CCNY: variants seen among roughly 807,000 people sequenced by gnomAD.
CCNY encodes cyclin-Y.
A neutral mutation model predicts 42.8 loss-of-function variants in CCNY; 19 were observed. That is an observed-to-expected ratio of 0.44 (90% confidence interval 0.31 to 0.65). The LOEUF (loss-of-function observed/expected upper bound fraction) is 0.65, where lower values mean the gene tolerates loss of function less well. Among genes scored for constraint, CCNY ranks in the 30% least tolerant of loss-of-function variants. The probability of loss-of-function intolerance (pLI) is 0.07; values close to 1 mark genes in which losing one functional copy is unlikely to be tolerated. For missense variants in CCNY, 370 were observed against 437.3 expected, an observed-to-expected ratio of 0.85 and a Z score of 1.37; for synonymous variants, 165 against 162.7, an observed-to-expected ratio of 1.01 and a Z score of -0.11.
chr10:35,443,661 C>T (rs1838723477), intron 1 of CCNY, among the ~76,000 whole-genome samples: 1 of 152,170 alleles, frequency 6.6e-6, no homozygotes. Flanking sequence ...TGCTAATATT[C>T]TTAAATATCT....
intron 1 of CCNY, among the ~76,000 whole-genome samples, chr10:35,432,478 T>C (rs552933093): frequency 1.3e-4 from 20 of 152,250 alleles, no homozygotes; most frequent in Non-Finnish European, 2.6e-4. Flanking sequence ...TCATATAATT[T>C]TCATGACACT....
At chr10:35,426,284 G>A (rs1375732917) in intron 1 of CCNY, among the ~76,000 whole-genome samples, 1 of 151,894 alleles carries the variant, frequency 6.6e-6, no homozygotes, top group Non-Finnish European at 1.5e-5. Flanking sequence ...CTGGCATTTA[G>A]GTCTTTGCTC....
At chr10:35,368,075 A>G (rs561266860) in intron 1 of CCNY, among the ~76,000 whole-genome samples, 208 of 152,356 alleles carry the variant, frequency 1.4e-3, no homozygotes, top group Middle Eastern at 6.8e-3. Context: ...TCTGCAATTG[A>G]TTACAATTGA....
intron 7 of CCNY, among the ~76,000 whole-genome samples, chr10:35,540,954 C>G (rs1840987130): frequency 6.6e-6 from 1 of 151,914 alleles, no homozygotes; most frequent in Non-Finnish European, 1.5e-5. Context: ...TTGTTTTTTC[C>G]AAGGAATCGA....
chr10:35,401,337 G>T lies in CCNY; in HGVS notation c.154+64130G>T, dbSNP rs1196642770. ...TTGTGATAGTGCTGTCTGTCTGTCT[G>T]GTTAAATCAGCATGGCTGGAGGTGA... On this transcript the variant is annotated intron_variant, in intron 1 of 9. Coordinates refer to ENST00000374704, the MANE Select transcript of CCNY (RefSeq NM_145012.6). Among the ~76,000 whole-genome samples, 6 of 152,258 alleles carry T rather than the reference G, an allele frequency of 3.9e-5. No individual in the cohort carries two copies. The East Asian group carries it at 1.2e-3, about 29-fold the overall frequency.
intron 8 of CCNY, among the ~76,000 whole-genome samples, chr10:35,564,076 C>T (rs1841519388): frequency 6.6e-6 from 1 of 152,022 alleles, no homozygotes; most frequent in Non-Finnish European, 1.5e-5. Flanking sequence ...GACGAGGTTT[C>T]ACCCTGTTGG....
At chr10:35,345,188 C>T (rs185078927) in intron 1 of CCNY, among the ~76,000 whole-genome samples, 360 of 152,312 alleles carry the variant, frequency 2.4e-3, no homozygotes, top group Non-Finnish European at 4.3e-3. Flanking sequence ...TTACGTCCTA[C>T]CAACAGTGTA....
chr10:35,258,442 G>T (rs369389465), intron 3 of CCNY, among the ~76,000 whole-genome samples: 1 of 152,186 alleles, frequency 6.6e-6, no homozygotes, highest in South Asian at 2.1e-4. Flanking sequence ...AAAAATGAAG[G>T]TGGGGGAAGA....
At chr10:35,463,702 A>G (rs1839201634) in intron 1 of CCNY, among the ~76,000 whole-genome samples, 1 of 152,270 alleles carries the variant, frequency 6.6e-6, no homozygotes, top group African/African-American at 2.4e-5. Context: ...TTGGCAGCAC[A>G]TCCTCAACTT....
chr10:35,425,247 G>A (rs927141312), intron 1 of CCNY, among the ~76,000 whole-genome samples: 1 of 152,202 alleles, frequency 6.6e-6, no homozygotes, highest in Non-Finnish European at 1.5e-5. Context: ...CTTACTCTTT[G>A]TTGTTTTCTC....
intron 1 of CCNY, among the ~76,000 whole-genome samples, chr10:35,356,672 C>T (rs192951328): frequency 6.6e-6 from 1 of 152,262 alleles, no homozygotes; most frequent in East Asian, 1.9e-4. Flanking sequence ...CTGCTACTTA[C>T]ATTGAGAACC....
At chr10:35,492,008 T>C (rs929211153) in intron 2 of CCNY, among the ~76,000 whole-genome samples, 1 of 152,168 alleles carries the variant, frequency 6.6e-6, no homozygotes, top group Non-Finnish European at 1.5e-5. Flanking sequence ...TGCACCTATA[T>C]GCCCTGAATT....
chr10:35,561,266 A>C (rs559866481), intron 8 of CCNY, among the ~76,000 whole-genome samples: 1 of 152,226 alleles, frequency 6.6e-6, no homozygotes, highest in East Asian at 1.9e-4. Flanking sequence ...GTGGGGTGGG[A>C]GGCGTTTGGG....
rs746823867 is a variant in CCNY at position 35,569,066 on chromosome 10, C to T, written c.922C>T (p.Leu308Phe). ...TCTTGCCCCTCAGGCCATCTCTCGCCTCTGCGAGGACAAGTACAAGGACCT... is the reference window on the plus strand; with the variant it reads ...TCTTGCCCCTCAGGCCATCTCTCGCTTCTGCGAGGACAAGTACAAGGACCT... ...RAHKLEAISR[L>F]CEDKYKDLRR... Residue 308 changes from leucine (L) to phenylalanine (F), a missense_variant, in exon 10 of 10, where the codon CTC (leucine) becomes TTC (phenylalanine). Physicochemically the swap from Leu to Phe is conservative, Grantham distance 22 (BLOSUM62 0). Around this residue, in one of 2 missense-constraint regions of CCNY, gnomAD observed 234 missense variants for 313.1 expected, o/e 0.75. Transcript: ENST00000374704. The T allele has an allele frequency of 6.2e-7, 1 of 1,611,932 alleles. No homozygotes were observed. Among genetic ancestry groups the T allele is most frequent in the Non-Finnish European group, 8.5e-7 (1 of 1,178,604 alleles).
At chr10:35,269,452 G>C (rs1475438495) in intron 3 of CCNY, among the ~76,000 whole-genome samples, 1 of 151,402 alleles carries the variant, frequency 6.6e-6, no homozygotes, top group Non-Finnish European at 1.5e-5. Context: ...TAGTAGCCGG[G>C]GTTACTACAC....
In CCNY at chr10:35,424,596, T is replaced by C. The variant is rs112564497; in HGVS notation, c.155-58808T>C. ...TTGCCTTGGGGCTTACAGAGTATTTTCTCACTCATCTCATTTGATGCTCAC... is the reference window on the plus strand; with the variant it reads ...TTGCCTTGGGGCTTACAGAGTATTTCCTCACTCATCTCATTTGATGCTCAC... On this transcript the variant is annotated intron_variant, in intron 1 of 9. Coordinates refer to ENST00000374704, the MANE Select transcript of CCNY (RefSeq NM_145012.6). Among the ~76,000 whole-genome samples the C allele has an allele frequency of 5.9e-3, 903 of 152,318 alleles. 11 individuals are homozygous for C. Among genetic ancestry groups the C allele is most frequent in the African/African-American group, 0.02 (815 of 41,564 alleles).
intron 1 of CCNY, among the ~76,000 whole-genome samples, chr10:35,430,336 CAAAAA>C (rs397954370): frequency 3.2e-4 from 18 of 55,574 alleles, no homozygotes; most frequent in South Asian, 1.1e-3. Flanking sequence ...GACTCCGTCT[CAAAAA>C]AAAAAAAAAA....
chr10:35,509,535 G>A (rs1023772059), intron 3 of CCNY, among the ~76,000 whole-genome samples: 3 of 152,128 alleles, frequency 2.0e-5, no homozygotes, highest in African/African-American at 4.8e-5. Flanking sequence ...CTTGGCCTCC[G>A]AAAGTGCTGG....
intron 1 of CCNY, among the ~76,000 whole-genome samples, chr10:35,448,226 T>C (rs1838834688): frequency 6.6e-6 from 1 of 152,204 alleles, no homozygotes. Context: ...GCCAAGTACC[T>C]GCTCTCTGTT....
Sources: allele counts gnomAD v4.1 joint callset (sites outside exome capture counted in the v4.1 genomes callset), GRCh38; gene constraint gnomAD v4.1.1; regional missense constraint gnomAD v4.1.1; transcripts MANE v1.5; gene names NCBI Gene and HGNC (gene_info 2026-07-23, HGNC 2026-07-21).